NUDC: variants seen among roughly 807,000 people sequenced by gnomAD.
The protein encoded by NUDC is nuclear distribution C, dynein complex regulator.
Under a neutral mutation model 45.0 loss-of-function variants are expected in NUDC, and 14 were observed. The observed-to-expected ratio is 0.31, with a 90% CI of 0.21 to 0.49. NUDC has a LOEUF of 0.49. Ranked by LOEUF, NUDC falls within the 20% of genes least tolerant of loss-of-function variation. NUDC has a pLI of 0.99. For synonymous variants in NUDC, 153 were observed against 156.7 expected (o/e 0.98, Z 0.17); for missense variants, 323 against 426.2 (o/e 0.76, Z 2.13).
chr1:26,924,663 C>G (rs1045357142), intron 2 of NUDC, among the ~76,000 whole-genome samples: 8 of 151,824 alleles, frequency 5.3e-5, no homozygotes, highest in South Asian at 2.1e-4. Context: ...AAGCAATTCT[C>G]CTGCCTCAGC....
rs766407313 is a variant in NUDC at position 26,945,873 on chromosome 1, C to T, written c.944+187C>T. On this transcript the variant is annotated intron_variant, in intron 8 of 8. Transcript: ENST00000321265. Reference sequence around the variant, plus strand: ...GCTGAGGTCATCTTGAGGGCAAGGCCGGCTCATGGTGCATGATAGGAGGGA... The same window carrying T: ...GCTGAGGTCATCTTGAGGGCAAGGCTGGCTCATGGTGCATGATAGGAGGGA... Among the ~76,000 whole-genome samples, 10 of 152,206 alleles carry T rather than the reference C, an allele frequency of 6.6e-5. No homozygotes were observed. The South Asian group carries it at 1.0e-3, about 16-fold the overall frequency.
At chr1:26,938,296 T>C (rs865875266) in intron 2 of NUDC, among the ~76,000 whole-genome samples, 2 of 152,200 alleles carry the variant, frequency 1.3e-5, no homozygotes, top group South Asian at 2.1e-4. Context: ...CTGCCCTTGC[T>C]TAACCTCCAG....
upstream of NUDC, among the ~76,000 whole-genome samples, chr1:26,918,126 C>T (rs2124082342): frequency 6.6e-6 from 1 of 151,684 alleles, no homozygotes; most frequent in African/African-American, 2.4e-5. Flanking sequence ...TTTATACTTC[C>T]TGTCTTTCAC....
At chr1:26,911,789 G>A in intron 3 of NUDC, 1 of 1,612,220 alleles carries the variant, frequency 6.2e-7, no homozygotes, top group African/African-American at 1.3e-5. Flanking sequence ...GGATGGCCAG[G>A]CTGAATCAGC....
chr1:26,933,082 C>T (rs1211738708), intron 2 of NUDC, among the ~76,000 whole-genome samples: 1 of 152,004 alleles, frequency 6.6e-6, no homozygotes, highest in Non-Finnish European at 1.5e-5. Context: ...ACTACAGGCA[C>T]ACGCCACCAC....
intron 2 of NUDC, among the ~76,000 whole-genome samples, chr1:26,935,999 GTC>G (rs1279728547): frequency 7.0e-4 from 104 of 147,620 alleles, no homozygotes; most frequent in African/African-American, 2.4e-3. Context: ...TTGACTTGGA[GTC>G]TCTGGTGCTG....
chr1:26,936,393 T>C (rs924543802), intron 2 of NUDC, among the ~76,000 whole-genome samples: 2 of 150,974 alleles, frequency 1.3e-5, no homozygotes, highest in Non-Finnish European at 2.9e-5. Context: ...TTTCTCCAAG[T>C]TGGTCAGGCT....
chr1:26,929,431 TA>T (rs911454617), intron 2 of NUDC, among the ~76,000 whole-genome samples: 2 of 151,208 alleles, frequency 1.3e-5, no homozygotes, highest in African/African-American at 2.4e-5. Context: ...AAAAACAAAT[TA>T]AAAAAATATA....
chr1:26,924,624 G>A (rs2082116537), intron 2 of NUDC, among the ~76,000 whole-genome samples: 1 of 152,190 alleles, frequency 6.6e-6, no homozygotes, highest in African/African-American at 2.4e-5. Context: ...CGCAATGTCG[G>A]CTCACTGCAA....
intron 3 of NUDC, among the ~76,000 whole-genome samples, chr1:26,914,307 T>TC (rs1285462035): frequency 6.6e-6 from 1 of 152,192 alleles, no homozygotes; most frequent in Non-Finnish European, 1.5e-5. Flanking sequence ...TCAGCAGGTG[T>TC]CCCCATTGGT....
At chr1:26,921,740 G>A (rs2082091985), upstream of NUDC, 6 of 1,229,352 alleles carry the variant, frequency 4.9e-6, 1 homozygote, top group East Asian at 1.5e-4. Flanking sequence ...TTCCGGCTCC[G>A]CTGCGGAAGG....
intron 2 of NUDC, among the ~76,000 whole-genome samples, chr1:26,924,377 C>T (rs1469836390): frequency 6.6e-6 from 1 of 152,120 alleles, no homozygotes; most frequent in Non-Finnish European, 1.5e-5. Flanking sequence ...TGCAGTTCTA[C>T]AAGAGGGGCA....
At chr1:26,942,597 G>T in intron 4 of NUDC, 63 bp from the exon 5 acceptor site, 2 of 1,602,766 alleles carry the variant, frequency 1.2e-6, no homozygotes, top group Non-Finnish European at 1.7e-6. Flanking sequence ...GCTTGGCCCA[G>T]TGAGGGTTCA....
At chr1:26,936,845 T>C (rs931588264) in intron 2 of NUDC, among the ~76,000 whole-genome samples, 2 of 152,184 alleles carry the variant, frequency 1.3e-5, no homozygotes, top group African/African-American at 4.8e-5. Flanking sequence ...CGACCAGTTC[T>C]CCAGTTCTCT....
At chr1:26,944,222 A>AT (rs771119029) in intron 6 of NUDC, among the ~76,000 whole-genome samples, 2 of 149,042 alleles carry the variant, frequency 1.3e-5, no homozygotes, top group East Asian at 2.0e-4. Flanking sequence ...TTTATTTTTT[A>AT]TTTTTTGAGA....
At chr1:26,944,136 C>T (rs1489179137) in intron 6 of NUDC, among the ~76,000 whole-genome samples, 4 of 151,772 alleles carry the variant, frequency 2.6e-5, no homozygotes, top group Non-Finnish European at 5.9e-5. Flanking sequence ...CCTTGTGATC[C>T]GCCCACCTCG....
chr1:26,905,154 ATTATTT>A (rs1480379334), intron 2 of NUDC, among the ~76,000 whole-genome samples: 1 of 101,710 alleles, frequency 9.8e-6, no homozygotes, highest in Non-Finnish European at 2.1e-5. Flanking sequence ...TATTATTATT[ATTATTT>A]TTTTTTTTTT....
intron 2 of NUDC, among the ~76,000 whole-genome samples, chr1:26,939,240 C>T (rs1015526397): frequency 1.3e-5 from 2 of 152,030 alleles, no homozygotes; most frequent in South Asian, 2.1e-4. Flanking sequence ...GTGATCTGCC[C>T]GCCTCAGCCT....
intron 3 of NUDC, among the ~76,000 whole-genome samples, chr1:26,915,031 GTA>G (rs1269239227): frequency 4.4e-4 from 61 of 139,708 alleles, no homozygotes; most frequent in Non-Finnish European, 7.1e-4. Context: ...ATGTATATGT[GTA>G]TATATATATA....
Sources: gnomAD v4.1 joint callset for allele counts (sites outside exome capture counted in the v4.1 genomes callset) on GRCh38, gnomAD v4.1.1 for gene constraint, MANE v1.5 for transcripts, NCBI Gene and HGNC (gene_info 2026-07-23, HGNC 2026-07-21) for gene names.